CLIC5: variants seen among roughly 807,000 people sequenced by gnomAD.
CLIC5 encodes chloride intracellular channel protein 5.
CLIC5 carries 20 observed loss-of-function variants against 24.7 expected under a neutral mutation model. The ratio of observed to expected loss-of-function variants is 0.81; its 90% CI spans 0.57 to 1.18. The LOEUF is 1.18. Ranked by LOEUF, CLIC5 falls within the 50% of genes most tolerant of loss-of-function variation. CLIC5 has a pLI of 0.00. For missense variants in CLIC5, 341 were observed against 326.1 expected, an observed-to-expected ratio of 1.05 and a Z score of -0.35; for synonymous variants, 159 against 135.6, an observed-to-expected ratio of 1.17 and a Z score of -1.20.
At chr6:45,928,604 T>C (rs893151843) in intron 4 of CLIC5, among the ~76,000 whole-genome samples, 1 of 152,220 alleles carries the variant, frequency 6.6e-6, no homozygotes, top group Admixed American at 6.5e-5. Context: ...ATCCTGTGCT[T>C]AGTGGGATAT....
intron 3 of CLIC5, among the ~76,000 whole-genome samples, chr6:45,944,163 T>C (rs1395266054): frequency 1.3e-5 from 2 of 152,118 alleles, no homozygotes; most frequent in African/African-American, 4.8e-5. Flanking sequence ...CCATGACCCC[T>C]ATTTGTCTGA....
intron 1 of CLIC5, among the ~76,000 whole-genome samples, chr6:46,008,258 C>T (rs1363043449): frequency 1.3e-5 from 2 of 152,174 alleles, no homozygotes; most frequent in African/African-American, 2.4e-5. Context: ...TTGCTTCAGA[C>T]AACCCCGTGT....
intron 1 of CLIC5, among the ~76,000 whole-genome samples, chr6:46,066,169 C>G (rs1381268734): frequency 6.6e-6 from 1 of 152,128 alleles, no homozygotes; most frequent in Admixed American, 6.6e-5. Flanking sequence ...ACTTTTCAAA[C>G]TTAGAACCAG....
chr6:45,913,541 T>C (rs187338474), intron 5 of CLIC5, among the ~76,000 whole-genome samples: 29 of 152,298 alleles, frequency 1.9e-4, no homozygotes, highest in African/African-American at 5.8e-4. Flanking sequence ...CAGTCACAGC[T>C]TCACAGAAGC....
chr6:45,883,824 T>C (rs1762282035), intron 6 of CLIC5: 1 of 152,130 alleles, frequency 6.6e-6, no homozygotes, highest in African/African-American at 2.4e-5. Flanking sequence ...TAAATATATA[T>C]GTGCCTGAAA....
chr6:46,001,596 TC>T (rs1210465106), intron 1 of CLIC5, among the ~76,000 whole-genome samples: 2 of 152,104 alleles, frequency 1.3e-5, no homozygotes, highest in East Asian at 3.9e-4. Context: ...CCAGCTGGCT[TC>T]CCCCACAAGA....
intron 6 of CLIC5, among the ~76,000 whole-genome samples, chr6:45,891,020 G>C (rs1285512494): frequency 4.6e-5 from 7 of 152,058 alleles, no homozygotes; most frequent in Non-Finnish European, 1.5e-5. Flanking sequence ...ACAGCACAAC[G>C]ATTATAGTTA....
chr6:46,082,062 A>G (rs1762931133), upstream of CLIC5, among the ~76,000 whole-genome samples: 1 of 152,102 alleles, frequency 6.6e-6, no homozygotes, highest in Non-Finnish European at 1.5e-5. Flanking sequence ...CCAAGAACCA[A>G]TTTTCACCCC....
intron 1 of CLIC5, among the ~76,000 whole-genome samples, chr6:45,990,772 C>A (rs1397641263): frequency 6.6e-6 from 1 of 152,146 alleles, no homozygotes; most frequent in African/African-American, 2.4e-5. Context: ...ATAATGATAA[C>A]CTTGGAGTAT....
downstream of CLIC5, among the ~76,000 whole-genome samples, chr6:45,895,462 A>T (rs185943235): frequency 1.7e-3 from 260 of 152,336 alleles, no homozygotes; most frequent in Non-Finnish European, 3.1e-3. Flanking sequence ...CCTTGGAAGC[A>T]TATTTAACTA....
At chr6:45,996,284 C>T (rs967577705) in intron 1 of CLIC5, among the ~76,000 whole-genome samples, 1 of 152,062 alleles carries the variant, frequency 6.6e-6, no homozygotes, top group African/African-American at 2.4e-5. Flanking sequence ...AATTTTCTCC[C>T]ATTTTGTAGG....
At chr6:45,911,737 T>A in intron 5 of CLIC5, 1 of 985,436 alleles carries the variant, frequency 1.0e-6, no homozygotes, top group Non-Finnish European at 1.2e-6. Context: ...GTTCCCCTTC[T>A]TGTTTGTCTC....
intron 1 of CLIC5, among the ~76,000 whole-genome samples, chr6:45,988,983 T>A (rs3777603): frequency 0.21 from 32,365 of 152,118 alleles, 3,838 homozygotes; most frequent in East Asian, 0.5. Flanking sequence ...GTACCTAGGG[T>A]CCAAGGCTCT....
Position 46,006,023 on chromosome 6 carries a change from T to C in CLIC5, c.63+9457A>G, listed in dbSNP as rs1178305008. Among the ~76,000 whole-genome samples the C allele has an allele frequency of 6.8e-5, 9 of 132,538 alleles. 1 individual carries two copies. The South Asian group carries it at 1.4e-3, about 21-fold the overall frequency. The allele number at this position is 132,538 out of a possible 152,430, so 87.0% of individuals were successfully genotyped here. On this transcript the variant is annotated intron_variant, in intron 1 of 5. Coordinates refer to ENST00000339561, the MANE Select transcript of CLIC5 (RefSeq NM_016929.5). ...ATTTATATATATATATATACACACA[T>C]GTATAAATATATATACATGTATAAA...
chr6:46,086,212 C>T, the CLIC5 span, among the ~76,000 whole-genome samples: 1 of 152,252 alleles, frequency 6.6e-6, no homozygotes, highest in Middle Eastern at 3.2e-3. Flanking sequence ...GAGGCAATGC[C>T]TCGCCCTGCT....
At position 46,071,817 on chromosome 6, in the gene CLIC5, C is replaced by T. The variant is rs369566058; in HGVS notation, c.540+7886G>A. On this transcript the variant is annotated intron_variant, in intron 1 of 5. Coordinates refer to the CLIC5 transcript ENST00000185206. The stretch of plus-strand genomic sequence containing the variant: ...TTCTTTGCAGCACTATTCGCAATAG[C>T]AAAGACATGGAATCAACCTGAATGC... 2.0e-5 allele frequency among the ~76,000 whole-genome samples: 3 copies of T among 152,036 alleles called. No individual in the cohort carries two copies. The East Asian group carries it at 5.8e-4, about 29-fold the overall frequency.
intron 1 of CLIC5, among the ~76,000 whole-genome samples, chr6:46,074,431 G>A (rs558949250): frequency 2.0e-5 from 3 of 152,258 alleles, no homozygotes; most frequent in East Asian, 3.9e-4. Flanking sequence ...AAATTATAGT[G>A]AATAATTCCT....
At chr6:46,001,630 G>T (rs1038108542) in intron 1 of CLIC5, among the ~76,000 whole-genome samples, 1 of 152,254 alleles carries the variant, frequency 6.6e-6, no homozygotes, top group South Asian at 2.1e-4. Flanking sequence ...CACCTGGTAG[G>T]CTTCAGTAAA....
At chr6:46,083,573 AGTT>A (rs1762968137), upstream of CLIC5, among the ~76,000 whole-genome samples, 1 of 152,060 alleles carries the variant, frequency 6.6e-6, no homozygotes, top group Non-Finnish European at 1.5e-5. Context: ...GTTTCCATGT[AGTT>A]GAGCAGTTTT....
Sources: allele counts gnomAD v4.1 joint callset (sites outside exome capture counted in the v4.1 genomes callset), GRCh38; gene constraint gnomAD v4.1.1; transcripts MANE v1.5; gene names NCBI Gene and HGNC (gene_info 2026-07-23, HGNC 2026-07-21).